Variants in SLC9B2 observed in about 807,000 individuals in gnomAD.
SLC9B2 encodes the protein sodium/hydrogen exchanger 9B2.
SLC9B2 carries 39 observed loss-of-function variants against 52.2 expected under a neutral mutation model. That is an observed-to-expected ratio of 0.75 (90% CI 0.58 to 0.98). SLC9B2 has a LOEUF of 0.98. SLC9B2 is among the 50% of genes least tolerant of loss of function. The pLI, the probability that SLC9B2 is intolerant of heterozygous loss-of-function variation, is 0.00. For synonymous variants in SLC9B2, 214 were observed against 227.0 expected (o/e 0.94, Z 0.51); for missense variants, 626 against 637.5 (o/e 0.98, Z 0.19).
intron 1 of SLC9B2, among the ~76,000 whole-genome samples, chr4:103,072,054 A>ATTTTTTTTTTTTTTTTTT (rs1375668319): frequency 1.1e-4 from 7 of 62,468 alleles, no homozygotes; most frequent in African/African-American, 6.1e-4. Flanking sequence ...TTTGGCTTTC[A>ATTTTTTTTTTTTTTTTTT]TGTTTTTTTT....
chr4:103,030,587 T>C (rs17033403), intron 10 of SLC9B2, among the ~76,000 whole-genome samples: 296 of 151,974 alleles, frequency 1.9e-3, no homozygotes, highest in African/African-American at 6.6e-3. Flanking sequence ...TTTTGAAAAG[T>C]CCGAAAAGAA....
intron 1 of SLC9B2, among the ~76,000 whole-genome samples, chr4:103,073,423 T>A (rs1257174903): frequency 6.6e-6 from 1 of 152,178 alleles, no homozygotes; most frequent in African/African-American, 2.4e-5. Flanking sequence ...TCAACACTGA[T>A]CTAATGGTCA....
At chr4:103,035,976 A>G (rs1473286798) in intron 9 of SLC9B2, among the ~76,000 whole-genome samples, 1 of 152,164 alleles carries the variant, frequency 6.6e-6, no homozygotes, top group Non-Finnish European at 1.5e-5. Context: ...GCATCTCACT[A>G]CTTGAATTCA....
intron 3 of SLC9B2, among the ~76,000 whole-genome samples, chr4:103,064,069 T>C (rs1157810164): frequency 4.6e-5 from 7 of 152,168 alleles, no homozygotes; most frequent in Non-Finnish European, 1.0e-4. Flanking sequence ...ATACCACTAT[T>C]ATGGAAAATG....
At chr4:103,070,485 G>T (rs1169532361) in intron 1 of SLC9B2, among the ~76,000 whole-genome samples, 1 of 152,204 alleles carries the variant, frequency 6.6e-6, no homozygotes, top group Non-Finnish European at 1.5e-5. Flanking sequence ...CTGTTGCCCA[G>T]GCTATAGTGC....
rs1220473145 is a variant in SLC9B2, at chr4:103,060,528, G to GT, written c.272-2558dup. Among the ~76,000 whole-genome samples, 185 of 114,954 alleles carry GT rather than the reference G, an allele frequency of 1.6e-3. 1 individual carries two copies. Among genetic ancestry groups the GT allele is most frequent in the Non-Finnish European group, 1.9e-3 (105 of 53,974 alleles). 75.4% of individuals were successfully genotyped at this position (114,954 alleles called of 152,430 possible). Reference sequence around the variant, plus strand: ...TCTGTTTTTTTGTTTCCTTTTGCATGTTTTTTTTGTTTGTTTTTTTTTTTT... The same window carrying GT: ...TCTGTTTTTTTGTTTCCTTTTGCATGTTTTTTTTTGTTTGTTTTTTTTTTTT... On this transcript the variant is annotated intron_variant, in intron 3 of 11. Coordinates refer to ENST00000394785, the MANE Select transcript of SLC9B2 (RefSeq NM_178833.7).
At chr4:103,043,136 GA>G (rs892539918) in intron 9 of SLC9B2, among the ~76,000 whole-genome samples, 159 bp downstream of exon 9, 3 of 151,450 alleles carry the variant, frequency 2.0e-5, no homozygotes, top group African/African-American at 4.9e-5. Flanking sequence ...TGTGTAAGGG[GA>G]AAAAAAAGAT....
chr4:103,061,783 G>A (rs557104094), intron 3 of SLC9B2, among the ~76,000 whole-genome samples: 18 of 152,248 alleles, frequency 1.2e-4, no homozygotes, highest in South Asian at 4.1e-4. Context: ...CTGTTTTCTT[G>A]ACAGATCATT....
At chr4:103,050,022 A>T (rs1332068634) in intron 5 of SLC9B2, among the ~76,000 whole-genome samples, 1 of 152,066 alleles carries the variant, frequency 6.6e-6, no homozygotes, top group Non-Finnish European at 1.5e-5. Context: ...CAAAAAAAAA[A>T]AAAAAGGAAG....
Position 103,057,899 on chromosome 4 carries a change from A to C in SLC9B2, c.344T>G (p.Leu115Arg). The stretch of plus-strand genomic sequence containing the variant: ...ATAGAATAGGATTATAATTCCAAAT[A>C]GGTTTCCTCCAGGAAGACATTCACT... The part of the protein sequence containing the change: ...TGSECLPGGN[L>R]FGIIILFYCA... The change falls in exon 4 of 12, where the codon CTA (leucine) becomes CGA (arginine). Residue 115 changes from leucine (L) to arginine (R), a missense_variant. Leu to Arg is a moderately radical substitution (Grantham distance 102). Coordinates refer to ENST00000394785, the MANE Select transcript of SLC9B2 (RefSeq NM_178833.7). 6.2e-7 allele frequency: 1 copy of C among 1,614,022 alleles called. No individual in the cohort carries two copies. Among genetic ancestry groups the C allele is most frequent in the Non-Finnish European group, 8.5e-7 (1 of 1,179,958 alleles).
chr4:103,043,145 G>A, intron 9 of SLC9B2, 151 bp downstream of exon 9: 2 of 780,078 alleles, frequency 2.6e-6, no homozygotes, highest in South Asian at 5.2e-5. Context: ...GGAAAAAAAA[G>A]ATGAACACTG....
chr4:103,060,541 GTTT>G (rs10715507), intron 3 of SLC9B2, among the ~76,000 whole-genome samples: 1 of 116,572 alleles, frequency 8.6e-6, no homozygotes, highest in African/African-American at 3.1e-5. Flanking sequence ...TTTTTTGTTT[GTTT>G]TTTTTTTTTT....
At position 103,067,587 on chromosome 4, in the gene SLC9B2, C is replaced by T. The variant is rs764303086; in HGVS notation, c.-37G>A. 34 of 1,481,818 alleles carry T rather than the reference C, an allele frequency of 2.3e-5. No homozygotes were observed. The highest frequency in any genetic ancestry group is 3.1e-5 in the Non-Finnish European group (33 of 1,062,422). 91.8% of individuals were successfully genotyped at this position (1,481,818 alleles called of 1,614,324 possible). On this transcript the variant is annotated 5_prime_UTR_variant, in exon 2 of 12. Coordinates refer to ENST00000394785, the MANE Select transcript of SLC9B2 (RefSeq NM_178833.7). ...AAGAAGATGACACAGGGAAGAGGAA[C>T]GAGATCTGTTTTGAAAGAGTATAGA...
intron 4 of SLC9B2, among the ~76,000 whole-genome samples, chr4:103,055,537 A>T (rs911371233): frequency 1.3e-5 from 2 of 152,184 alleles, no homozygotes; most frequent in African/African-American, 4.8e-5. Flanking sequence ...GCATAGTAAG[A>T]GATAAATAAT....
intron 1 of SLC9B2, among the ~76,000 whole-genome samples, chr4:103,072,868 T>C (rs1578488989): frequency 6.6e-6 from 1 of 152,218 alleles, no homozygotes; most frequent in Non-Finnish European, 1.5e-5. Context: ...AAGGTGATGG[T>C]ATTAAGAGGG....
At chr4:103,073,779 A>G (rs1746878174) in intron 1 of SLC9B2, among the ~76,000 whole-genome samples, 2 of 152,218 alleles carry the variant, frequency 1.3e-5, no homozygotes, top group Non-Finnish European at 2.9e-5. Flanking sequence ...TATACTTACT[A>G]AAAGTTTAAA....
chr4:103,066,582 C>T lies in SLC9B2; in HGVS notation c.91-75G>A, dbSNP rs1481601262. ...CATATTTATAGGTACTGCATCATCA[C>T]CTTACAAATCAAATTTCTATGACTA... On this transcript the variant is annotated intron_variant, in intron 2 of 11. Coordinates refer to ENST00000394785, the MANE Select transcript of SLC9B2 (RefSeq NM_178833.7). 7.4e-6 allele frequency: 10 copies of T among 1,359,196 alleles called. No individual in the cohort carries two copies. In the East Asian group the frequency reaches 2.2e-4, roughly 29 times the overall value. 84.2% of individuals were successfully genotyped at this position (1,359,196 alleles called of 1,614,324 possible).
At chr4:103,029,107 A>G (rs947428007) in intron 10 of SLC9B2, among the ~76,000 whole-genome samples, 3 of 152,188 alleles carry the variant, frequency 2.0e-5, no homozygotes, top group African/African-American at 7.2e-5. Context: ...CCAGAAATTA[A>G]GCATATTTGA....
chr4:103,031,537 A>G (rs1431760492), intron 10 of SLC9B2, among the ~76,000 whole-genome samples, 163 bp downstream of exon 10: 1 of 152,162 alleles, frequency 6.6e-6, no homozygotes, highest in East Asian at 1.9e-4. Context: ...ACTACTCTAA[A>G]AAACTTACAT....
Sources: allele counts gnomAD v4.1 joint callset (sites outside exome capture counted in the v4.1 genomes callset), GRCh38; gene constraint gnomAD v4.1.1; transcripts MANE v1.5; gene names NCBI Gene and HGNC (gene_info 2026-07-23, HGNC 2026-07-21).